The following PTPRD variants were observed in gnomAD, a reference collection of about 807,000 sequenced individuals.
PTPRD encodes the protein receptor-type tyrosine-protein phosphatase delta.
A neutral mutation model predicts 214.5 loss-of-function variants in PTPRD; 34 were observed. That is an observed-to-expected ratio of 0.16 (90% CI 0.12 to 0.21). PTPRD has a LOEUF of 0.21. PTPRD is among the 10% of genes least tolerant of loss of function. The pLI, the probability that PTPRD is intolerant of heterozygous loss-of-function variation, is 1.00. For synonymous variants in PTPRD, 1,128 were observed against 845.7 expected (o/e 1.33, Z -5.79); for missense variants, 2,545 against 2,398.7 (o/e 1.06, Z -1.27).
At chr9:9,019,644 T>C (rs2154368856) in intron 10 of PTPRD, among the ~76,000 whole-genome samples, 1 of 152,262 alleles carries the variant, frequency 6.6e-6, no homozygotes, top group Non-Finnish European at 1.5e-5. Context: ...AGGCGGAGGT[T>C]GCGGTGAGCC....
chr9:10,235,391 C>A (rs1019490721), intron 3 of PTPRD, among the ~76,000 whole-genome samples: 1 of 151,880 alleles, frequency 6.6e-6, no homozygotes, highest in African/African-American at 2.4e-5. Context: ...AAGGAAAATT[C>A]CCTCGTCGCG....
intron 4 of PTPRD, among the ~76,000 whole-genome samples, chr9:10,005,487 C>G (rs2096454823): frequency 6.6e-6 from 1 of 152,044 alleles, no homozygotes; most frequent in African/African-American, 2.4e-5. Context: ...ATTATTGTTT[C>G]TGTTTTTTCT....
At chr9:8,833,391 T>A (rs1163673761) in intron 11 of PTPRD, among the ~76,000 whole-genome samples, 2 of 152,078 alleles carry the variant, frequency 1.3e-5, no homozygotes, top group African/African-American at 4.8e-5. Context: ...TAGAGTCCAG[T>A]AAGTAGAGAT....
At chr9:10,222,530 C>T (rs2099574752) in intron 3 of PTPRD, among the ~76,000 whole-genome samples, 1 of 152,074 alleles carries the variant, frequency 6.6e-6, no homozygotes, top group Admixed American at 6.6e-5. Flanking sequence ...TATGAGTGGA[C>T]ATTTGAAAAC....
chr9:10,189,517 GAAT>G (rs2099353118), intron 3 of PTPRD, among the ~76,000 whole-genome samples: 1 of 152,116 alleles, frequency 6.6e-6, no homozygotes, highest in Non-Finnish European at 1.5e-5. Context: ...ATGGGATGGA[GAAT>G]ATATTCCACC....
intron 8 of PTPRD, among the ~76,000 whole-genome samples, chr9:9,418,162 C>G (rs2077534673): frequency 6.6e-6 from 1 of 152,012 alleles, no homozygotes; most frequent in Admixed American, 6.6e-5. Flanking sequence ...TAGAACAGAA[C>G]AACTTTCACA....
At chr9:10,482,815 C>A (rs368649651) in intron 2 of PTPRD, among the ~76,000 whole-genome samples, 4 of 151,966 alleles carry the variant, frequency 2.6e-5, no homozygotes, top group African/African-American at 9.7e-5. Context: ...TCACAGATGA[C>A]ACGAACAAAT....
chr9:9,580,301 G>A (rs767482033), intron 7 of PTPRD, among the ~76,000 whole-genome samples: 1 of 152,022 alleles, frequency 6.6e-6, no homozygotes, highest in African/African-American at 2.4e-5. Flanking sequence ...TTTCCATAGA[G>A]GTTGTACTAA....
intron 2 of PTPRD, among the ~76,000 whole-genome samples, chr9:10,505,105 G>A (rs752828946): frequency 1.1e-4 from 16 of 152,148 alleles, no homozygotes; most frequent in Non-Finnish European, 2.4e-4. Context: ...AAACCTTAAA[G>A]TGAACAGGCT....
Position 10,010,817 on chromosome 9 carries a change from A to G in PTPRD, c.-472+22901T>C, listed in dbSNP as rs187072037. 2.0e-5 allele frequency among the ~76,000 whole-genome samples: 3 copies of G among 152,168 alleles called. No individual in the cohort carries two copies. The East Asian group carries it at 5.8e-4, about 29-fold the overall frequency. ...CTGTGTTAAAACTAACTTAACACTAATAACATTTTTCACATTCCCAATTAT... is the reference window on the plus strand; with the variant it reads ...CTGTGTTAAAACTAACTTAACACTAGTAACATTTTTCACATTCCCAATTAT... On this transcript the variant is annotated intron_variant, in intron 4 of 45. Transcript: ENST00000381196.
At chr9:8,917,075 T>A (rs1391864372) in intron 11 of PTPRD, among the ~76,000 whole-genome samples, 1 of 148,550 alleles carries the variant, frequency 6.7e-6, no homozygotes. Flanking sequence ...TTTTTTACAA[T>A]CCCCATTGTA....
At chr9:10,348,241 T>G (rs557449287) in intron 2 of PTPRD, among the ~76,000 whole-genome samples, 1 of 152,282 alleles carries the variant, frequency 6.6e-6, no homozygotes, top group Admixed American at 6.5e-5. Flanking sequence ...ATGTTAGGAT[T>G]GGTCAGAGCT....
At chr9:10,239,258 G>C (rs1284969882) in intron 3 of PTPRD, among the ~76,000 whole-genome samples, 2 of 151,640 alleles carry the variant, frequency 1.3e-5, no homozygotes, top group Non-Finnish European at 2.9e-5. Context: ...GATGATGTTT[G>C]ATAGAATTAT....
At chr9:9,244,465 C>A (rs541089959) in intron 9 of PTPRD, among the ~76,000 whole-genome samples, 3 of 152,152 alleles carry the variant, frequency 2.0e-5, no homozygotes, top group South Asian at 2.1e-4. Flanking sequence ...CAGAACAGAG[C>A]CCTCAGAAAT....
chr9:10,307,880 C>G (rs921634551), intron 3 of PTPRD, among the ~76,000 whole-genome samples: 1 of 151,806 alleles, frequency 6.6e-6, no homozygotes. Flanking sequence ...TGAAAAATAT[C>G]TATTCATATC....
chr9:8,349,650 T>C (rs567107471), intron 39 of PTPRD, among the ~76,000 whole-genome samples: 23 of 152,280 alleles, frequency 1.5e-4, no homozygotes, highest in Admixed American at 4.6e-4. Flanking sequence ...CTGAGACAGA[T>C]TTTTCTAAAT....
At chr9:9,608,356 G>A (rs1057209474) in intron 7 of PTPRD, among the ~76,000 whole-genome samples, 8 of 151,950 alleles carry the variant, frequency 5.3e-5, no homozygotes, top group Non-Finnish European at 8.8e-5. Context: ...TTGATACATC[G>A]TCTTTGTTAA....
At chr9:9,558,753 G>C (rs2082148961) in intron 8 of PTPRD, among the ~76,000 whole-genome samples, 1 of 152,134 alleles carries the variant, frequency 6.6e-6, no homozygotes, top group Non-Finnish European at 1.5e-5. Context: ...GTACTAGGCT[G>C]GACTGAGACA....
chr9:9,942,404 C>A (rs977083792), intron 4 of PTPRD, among the ~76,000 whole-genome samples: 1 of 151,948 alleles, frequency 6.6e-6, no homozygotes, highest in Non-Finnish European at 1.5e-5. Flanking sequence ...GCACTCTCCC[C>A]AAAACGATTT....
Sources: gnomAD v4.1 joint callset for allele counts (sites outside exome capture counted in the v4.1 genomes callset) on GRCh38, gnomAD v4.1.1 for gene constraint, MANE v1.5 for transcripts, NCBI Gene and HGNC (gene_info 2026-07-23, HGNC 2026-07-21) for gene names.